FKBP6: variants seen among roughly 807,000 people sequenced by gnomAD.
The protein encoded by FKBP6 is FKBP prolyl isomerase family member 6 (inactive).
In FKBP6, 29 loss-of-function variants were observed where a neutral mutation model predicts 41.7. That is an observed-to-expected ratio of 0.70 (90% CI 0.52 to 0.95). The LOEUF (loss-of-function observed/expected upper bound fraction) is 0.95. Among genes scored for constraint, FKBP6 ranks in the 40% least tolerant of loss-of-function variants. FKBP6 has a pLI of 0.00. For synonymous variants in FKBP6, 130 were observed against 165.1 expected (o/e 0.79, Z 1.63); for missense variants, 338 against 408.7 (o/e 0.83, Z 1.49).
Position 73,349,478 on chromosome 7 carries a change from C to T in FKBP6, c.*2+6579C>T, listed in dbSNP as rs566877041. ...CAGCACTTTGGGAGGCCGAGGCAGG[C>T]GGATCACGAGGTCAGAAGATCGAGA... On this transcript the variant is annotated intron_variant, in intron 8 of 8. Transcript: ENST00000252037. Among the ~76,000 whole-genome samples, 23 of 142,150 alleles carry T rather than the reference C, an allele frequency of 1.6e-4. No individual in the cohort carries two copies. In the East Asian group the frequency reaches 4.4e-3, roughly 27 times the overall value. 93.3% of individuals were successfully genotyped at this position (142,150 alleles called of 152,430 possible).
At chr7:73,330,727 C>T (rs1804814708) in intron 4 of FKBP6, among the ~76,000 whole-genome samples, 1 of 152,146 alleles carries the variant, frequency 6.6e-6, no homozygotes, top group South Asian at 2.1e-4. Context: ...GATTGTCCAG[C>T]CCAGCACAGG....
chr7:73,355,157 G>A (rs1554551739), intron 8 of FKBP6, among the ~76,000 whole-genome samples: 2 of 152,240 alleles, frequency 1.3e-5, no homozygotes, highest in Non-Finnish European at 2.9e-5. Context: ...GAGGCCTGGG[G>A]CCCACCCGCC....
At chr7:73,346,411 A>G (rs1554550273) in intron 8 of FKBP6, among the ~76,000 whole-genome samples, 2 of 152,210 alleles carry the variant, frequency 1.3e-5, no homozygotes, top group African/African-American at 4.8e-5. Context: ...CCATTAAATC[A>G]CAGTGTTCAA....
intron 8 of FKBP6, among the ~76,000 whole-genome samples, chr7:73,346,899 T>C (rs1192270026): frequency 6.6e-6 from 1 of 152,150 alleles, no homozygotes; most frequent in Non-Finnish European, 1.5e-5. Context: ...AGGGCAGCTT[T>C]AGTGACATGT....
chr7:73,340,915 G>GTA, intron 6 of FKBP6, 83 bp downstream of exon 6: 7 of 637,062 alleles, frequency 1.1e-5, no homozygotes, highest in South Asian at 1.8e-5. Flanking sequence ...CAAAAATGCT[G>GTA]TCTTTTTTTT....
intron 5 of FKBP6, among the ~76,000 whole-genome samples, chr7:73,333,316 G>A (rs947757096): frequency 6.6e-6 from 1 of 151,292 alleles, no homozygotes; most frequent in Admixed American, 6.6e-5. Context: ...TGCTGTCTCT[G>A]GAACATACTC....
At chr7:73,343,236 A>C (rs1295697865) in intron 8 of FKBP6, among the ~76,000 whole-genome samples, 1 of 152,184 alleles carries the variant, frequency 6.6e-6, no homozygotes, top group Non-Finnish European at 1.5e-5. Flanking sequence ...GCTCACTGCA[A>C]GCTCCGCCTC....
At chr7:73,334,754 G>T (rs1804951675) in intron 5 of FKBP6, among the ~76,000 whole-genome samples, 1 of 152,012 alleles carries the variant, frequency 6.6e-6, no homozygotes, top group African/African-American at 2.4e-5. Context: ...TTTCTGTTTG[G>T]TTTTTCTACA....
chr7:73,328,782 G>A (rs549775269), intron 2 of FKBP6, 90 bp downstream of exon 2: 2 of 1,604,140 alleles, frequency 1.2e-6, no homozygotes, highest in African/African-American at 2.7e-5. Flanking sequence ...CACTTAATGG[G>A]GTTGGAAATG....
intron 5 of FKBP6, chr7:73,337,151 A>G (rs192193605): frequency 1.4e-4 from 34 of 248,060 alleles, no homozygotes; most frequent in African/African-American, 6.6e-4. Context: ...GGTGATGTGA[A>G]TGGGAGCTGA....
chr7:73,342,902 A>C lies in FKBP6; in HGVS notation c.*2+3A>C. 4 of 1,604,844 alleles carry C rather than the reference A, an allele frequency of 2.5e-6. No homozygotes were observed. Among genetic ancestry groups the C allele is most frequent in the Non-Finnish European group, 3.4e-6 (4 of 1,171,476 alleles). On this transcript the variant is annotated splice_donor_region_variant and intron_variant, in intron 8 of 8. Coordinates refer to ENST00000252037, the MANE Select transcript of FKBP6 (RefSeq NM_003602.5). Reference sequence around the variant, plus strand: ...TCTACAGCAGGAGAAAGTTGAAGGTAATCAAAGGGCCAGGGTGGCACACAG... The same window carrying C: ...TCTACAGCAGGAGAAAGTTGAAGGTCATCAAAGGGCCAGGGTGGCACACAG...
At position 73,340,800 on chromosome 7, in the gene FKBP6, A is replaced by G; in HGVS notation, c.751A>G (p.Lys251Glu). The change falls in exon 6 of 9, where the codon AAG becomes GAG. Residue 251 changes from lysine (K) to glutamate (E), a missense_variant. Physicochemically the swap from Lys to Glu is moderately conservative, Grantham distance 56. This residue lies in a region of FKBP6 where 239 missense variants were observed against 250.1 expected (regional missense o/e 0.96). Coordinates refer to ENST00000252037, the MANE Select transcript of FKBP6 (RefSeq NM_003602.5). ...YGEQALIIDQKNAKALFRCGQ... is the reference protein window; with the variant it reads ...YGEQALIIDQENAKALFRCGQ... Reference sequence around the variant, plus strand: ...AGAGCAGGCTTTGATCATTGACCAAAAGAATGCCAAGGCCCTCTTCAGGTG... The same window carrying G: ...AGAGCAGGCTTTGATCATTGACCAAGAGAATGCCAAGGCCCTCTTCAGGTG... The G allele has an allele frequency of 6.2e-7, 1 of 1,614,128 alleles. No homozygotes were observed. Among genetic ancestry groups the G allele is most frequent in the Non-Finnish European group, 8.5e-7 (1 of 1,180,016 alleles).
intron 8 of FKBP6, among the ~76,000 whole-genome samples, chr7:73,353,642 A>G (rs1324244544): frequency 6.6e-6 from 1 of 152,158 alleles, no homozygotes; most frequent in African/African-American, 2.4e-5. Flanking sequence ...CCCCACATCA[A>G]GCAAGTCCGT....
intron 8 of FKBP6, among the ~76,000 whole-genome samples, chr7:73,346,986 G>A (rs1388011395): frequency 1.3e-5 from 2 of 152,150 alleles, no homozygotes; most frequent in Non-Finnish European, 2.9e-5. Context: ...TACCAGGAGT[G>A]ACTGGGAAAA....
intron 5 of FKBP6, chr7:73,339,182 G>T (rs1554549025): frequency 6.6e-6 from 1 of 152,206 alleles, no homozygotes; most frequent in African/African-American, 2.4e-5. Context: ...TTTAGTATAT[G>T]TGCTGCCGAA....
intron 5 of FKBP6, among the ~76,000 whole-genome samples, chr7:73,338,835 T>C (rs1805085611): frequency 6.6e-6 from 1 of 152,224 alleles, no homozygotes; most frequent in South Asian, 2.1e-4. Flanking sequence ...GTCTTTGTAC[T>C]GAGGAGTAAA....
chr7:73,348,296 T>C (rs1554550605), intron 8 of FKBP6, among the ~76,000 whole-genome samples: 1 of 152,156 alleles, frequency 6.6e-6, no homozygotes, highest in African/African-American at 2.4e-5. Flanking sequence ...ATGCCACACC[T>C]TTCCCCCCCT....
intron 8 of FKBP6, among the ~76,000 whole-genome samples, chr7:73,348,275 T>C (rs1805389663): frequency 6.6e-6 from 1 of 152,186 alleles, no homozygotes; most frequent in South Asian, 2.1e-4. Context: ...CTCAGATTTG[T>C]CTTTTTCATA....
intron 7 of FKBP6, 149 bp from the exon 8 acceptor site, chr7:73,342,658 C>T: frequency 2.8e-6 from 2 of 722,364 alleles, no homozygotes; most frequent in South Asian, 2.8e-5. Context: ...TGCCTCCCCA[C>T]CTCTCCAGCT....
Sources: gnomAD v4.1 joint callset for allele counts (sites outside exome capture counted in the v4.1 genomes callset) on GRCh38, gnomAD v4.1.1 for gene constraint, gnomAD v4.1.1 regional missense constraint, MANE v1.5 for transcripts, NCBI Gene and HGNC (gene_info 2026-07-23, HGNC 2026-07-21) for gene names.